UBE2E3: variants seen among roughly 807,000 people sequenced by gnomAD.
UBE2E3 encodes the protein ubiquitin conjugating enzyme E2 E3.
UBE2E3 carries 5 observed loss-of-function variants against 23.6 expected under a neutral mutation model. That is an observed-to-expected ratio of 0.21 (90% CI 0.11 to 0.44). The LOEUF (loss-of-function observed/expected upper bound fraction) is 0.44. Ranked by LOEUF, UBE2E3 falls within the 20% of genes least tolerant of loss-of-function variation. The probability of loss-of-function intolerance (pLI) is 0.99; values close to 1 mark genes in which losing one functional copy is unlikely to be tolerated. For missense variants in UBE2E3, 81 were observed against 249.8 expected, an observed-to-expected ratio of 0.32 and a Z score of 4.55; for synonymous variants, 78 against 87.5, an observed-to-expected ratio of 0.89 and a Z score of 0.60.
chr2:181,055,680 A>C (rs930448463), intron 3 of UBE2E3, among the ~76,000 whole-genome samples: 1 of 141,148 alleles, frequency 7.1e-6, no homozygotes, highest in African/African-American at 2.9e-5. Context: ...CAATAGTTAA[A>C]TGTACACTTT....
At chr2:181,061,487 A>G (rs1331973462) in intron 5 of UBE2E3, among the ~76,000 whole-genome samples, 1 of 145,692 alleles carries the variant, frequency 6.9e-6, no homozygotes, top group Non-Finnish European at 1.5e-5. Flanking sequence ...TGCTCCTTCC[A>G]TGCTGCTGTA....
chr2:181,048,989 T>G (rs1331908584), intron 3 of UBE2E3, among the ~76,000 whole-genome samples: 2 of 152,004 alleles, frequency 1.3e-5, no homozygotes, highest in East Asian at 3.9e-4. Flanking sequence ...TTACCTTTTC[T>G]CCCTCTCTTG....
intron 3 of UBE2E3, among the ~76,000 whole-genome samples, chr2:181,003,761 A>G (rs1272435252): frequency 6.6e-6 from 1 of 152,224 alleles, no homozygotes; most frequent in African/African-American, 2.4e-5. Context: ...ATGAATTGTT[A>G]CAAGTATCAC....
intron 3 of UBE2E3, among the ~76,000 whole-genome samples, chr2:181,015,486 T>C (rs1685458250): frequency 6.6e-6 from 1 of 152,064 alleles, no homozygotes; most frequent in African/African-American, 2.4e-5. Flanking sequence ...AGACTACTTA[T>C]TAAAAAGACC....
chr2:180,985,438 A>G (rs1219197609), intron 3 of UBE2E3, among the ~76,000 whole-genome samples: 1 of 152,196 alleles, frequency 6.6e-6, no homozygotes, highest in Non-Finnish European at 1.5e-5. Context: ...AAAAAAGTTC[A>G]TTAATATTAA....
chr2:181,008,464 G>A (rs1033960114), intron 3 of UBE2E3, among the ~76,000 whole-genome samples: 1 of 152,210 alleles, frequency 6.6e-6, no homozygotes, highest in Admixed American at 6.5e-5. Context: ...CACTAGTCTT[G>A]TAAATTGTTC....
chr2:181,004,565 G>A (rs1361406811), intron 3 of UBE2E3, among the ~76,000 whole-genome samples: 2 of 152,076 alleles, frequency 1.3e-5, no homozygotes, highest in South Asian at 2.1e-4. Flanking sequence ...ACATGGAGGC[G>A]GAGGTTGCAG....
chr2:180,988,467 A>G (rs1335082527), intron 3 of UBE2E3, among the ~76,000 whole-genome samples: 1 of 152,210 alleles, frequency 6.6e-6, no homozygotes, highest in Non-Finnish European at 1.5e-5. Context: ...ATTTAATTCA[A>G]TAGAGAATAT....
Position 180,984,104 on chromosome 2 carries a change from A to T in UBE2E3, c.245+11A>T. On this transcript the variant is annotated intron_variant, in intron 3 of 5. Coordinates refer to ENST00000410062, the MANE Select transcript of UBE2E3 (RefSeq NM_006357.4). ...TCCTCCTAATTGCAGGTAAGAAATG[A>T]ATTTTGTTGTTTTGGTTTCAAATTG... 6.2e-7 allele frequency: 1 copy of T among 1,608,086 alleles called. No homozygotes were observed. Among genetic ancestry groups the T allele is most frequent in the Non-Finnish European group, 8.5e-7 (1 of 1,175,782 alleles).
chr2:180,990,575 CACAGGA>C (rs1431988712), intron 3 of UBE2E3, among the ~76,000 whole-genome samples: 2 of 152,110 alleles, frequency 1.3e-5, no homozygotes, highest in African/African-American at 4.8e-5. Flanking sequence ...TATGTGAAAC[CACAGGA>C]ATGACTACCT....
intron 3 of UBE2E3, among the ~76,000 whole-genome samples, chr2:181,032,410 T>A (rs1686111605): frequency 6.6e-6 from 1 of 152,212 alleles, no homozygotes; most frequent in Non-Finnish European, 1.5e-5. Flanking sequence ...AAAAAGTCAT[T>A]TGACTAACTT....
intron 3 of UBE2E3, among the ~76,000 whole-genome samples, chr2:181,039,722 C>T (rs1363678524): frequency 3.9e-5 from 6 of 152,130 alleles, no homozygotes; most frequent in Admixed American, 6.5e-5. Context: ...ACACTGATGT[C>T]TAGGAGTTAA....
intron 3 of UBE2E3, among the ~76,000 whole-genome samples, chr2:181,049,164 C>A (rs974761395): frequency 6.6e-6 from 1 of 151,984 alleles, no homozygotes; most frequent in Admixed American, 6.6e-5. Flanking sequence ...GACAGAGCAG[C>A]TTTTTGAGTG....
rs1379323525 is a variant in UBE2E3, at chr2:180,984,029, C to G, written c.195-14C>G. The G allele has an allele frequency of 1.9e-6, 3 of 1,607,560 alleles. No homozygotes were observed. Among genetic ancestry groups the G allele is most frequent in the Non-Finnish European group, 2.6e-6 (3 of 1,175,294 alleles). ...ATATCAAATCCTTTTTGTCTCTTCT[C>G]ATTTCACTAACAGAATTCAGAAGGA... On this transcript the variant is annotated splice_polypyrimidine_tract_variant and intron_variant, in intron 2 of 5. Transcript: ENST00000410062.
chr2:180,981,207 C>T (rs1471303055), intron 1 of UBE2E3: 1 of 150,492 alleles, frequency 6.6e-6, no homozygotes, highest in African/African-American at 2.4e-5. Context: ...GCGTGGCCGC[C>T]GCCGCCGGCC....
At chr2:180,994,609 G>A (rs912724502) in intron 3 of UBE2E3, among the ~76,000 whole-genome samples, 2 of 152,140 alleles carry the variant, frequency 1.3e-5, no homozygotes, top group Non-Finnish European at 2.9e-5. Context: ...ATTTGAGTGA[G>A]GATACAAATA....
rs1464007380 is a variant in UBE2E3, at chr2:180,998,457, G to GT, written c.245+14365dup. ...AATGGTCTTAGTTGGGATAAGGAGAGTGGGGAAGGGGCAGGGGGAGATGAT... is the reference window on the plus strand; with the variant it reads ...AATGGTCTTAGTTGGGATAAGGAGAGTTGGGGAAGGGGCAGGGGGAGATGAT... On this transcript the variant is annotated intron_variant, in intron 3 of 5. Coordinates refer to ENST00000410062, the MANE Select transcript of UBE2E3 (RefSeq NM_006357.4). Among the ~76,000 whole-genome samples, 740 of 152,208 alleles carry GT rather than the reference G, an allele frequency of 4.9e-3. 5 individuals are homozygous for GT. Among genetic ancestry groups the GT allele is most frequent in the African/African-American group, 0.017 (704 of 41,530 alleles).
chr2:181,033,480 T>C (rs973186454), intron 3 of UBE2E3, among the ~76,000 whole-genome samples: 4 of 152,190 alleles, frequency 2.6e-5, no homozygotes, highest in African/African-American at 9.7e-5. Flanking sequence ...TAGCCATATG[T>C]AGAAAGCTGA....
intron 3 of UBE2E3, among the ~76,000 whole-genome samples, chr2:180,999,371 G>A (rs1386179130): frequency 6.6e-6 from 1 of 152,084 alleles, no homozygotes; most frequent in African/African-American, 2.4e-5. Context: ...CACCTTTTGG[G>A]TACTGTGAAT....
Sources: allele counts gnomAD v4.1 joint callset (sites outside exome capture counted in the v4.1 genomes callset), GRCh38; gene constraint gnomAD v4.1.1; transcripts MANE v1.5; gene names NCBI Gene and HGNC (gene_info 2026-07-23, HGNC 2026-07-21).